CCDC73: variants seen among roughly 807,000 people sequenced by gnomAD.
CCDC73 encodes coiled-coil domain-containing protein 73.
In CCDC73, 95 loss-of-function variants were observed where a neutral mutation model predicts 116.5. That is an observed-to-expected ratio of 0.82 (90% confidence interval 0.69 to 0.97). CCDC73 has a LOEUF of 0.97. CCDC73 is among the 50% of genes least tolerant of loss of function. The pLI is 0.00. For synonymous variants in CCDC73, 398 were observed against 401.3 expected (o/e 0.99, Z 0.10); for missense variants, 1,066 against 1,206.8 (o/e 0.88, Z 1.73).
At chr11:32,623,489 C>A (rs189795556) in intron 14 of CCDC73, among the ~76,000 whole-genome samples, 7,149 of 152,116 alleles carry the variant, frequency 0.047, 186 homozygotes, top group African/African-American at 0.061. Flanking sequence ...TAGCTGGGAC[C>A]ACCAGTGTGC....
intron 2 of CCDC73, among the ~76,000 whole-genome samples, chr11:32,719,199 G>A (rs949220026): frequency 1.3e-5 from 2 of 152,054 alleles, no homozygotes; most frequent in South Asian, 2.1e-4. Context: ...TCCTGAATTC[G>A]CCCACATCAT....
chr11:32,818,530 A>G, the CCDC73 span, among the ~76,000 whole-genome samples: 1 of 152,216 alleles, frequency 6.6e-6, no homozygotes, highest in Non-Finnish European at 1.5e-5. Context: ...GAGTTACCAT[A>G]TGGCCTGGCA....
chr11:32,779,040 G>C lies in CCDC73; in HGVS notation c.-16+15573C>G, dbSNP rs143223493. Among the ~76,000 whole-genome samples, 3 of 152,018 alleles carry C rather than the reference G, an allele frequency of 2.0e-5. No homozygotes were observed. In the East Asian group the frequency reaches 5.8e-4, roughly 29 times the overall value. On this transcript the variant is annotated intron_variant, in intron 1 of 17. Transcript: ENST00000335185. ...GGCCAGAGTTCCAACTGATGTGCTA[G>C]GACAATGTTCCATGAATACATTACA...
At chr11:32,717,617 T>A (rs1316642064) in intron 3 of CCDC73, among the ~76,000 whole-genome samples, 1 of 152,210 alleles carries the variant, frequency 6.6e-6, no homozygotes, top group African/African-American at 2.4e-5. Flanking sequence ...TTAGAAAATT[T>A]AAAAATTAAC....
intron 3 of CCDC73, among the ~76,000 whole-genome samples, chr11:32,705,035 G>A (rs994631760): frequency 6.6e-6 from 1 of 152,186 alleles, no homozygotes; most frequent in African/African-American, 2.4e-5. Context: ...CTTTCCTGGT[G>A]GGCTTGCCAA....
intron 17 of CCDC73, among the ~76,000 whole-genome samples, chr11:32,610,052 G>A (rs1855406054): frequency 6.6e-6 from 1 of 151,438 alleles, no homozygotes; most frequent in African/African-American, 2.4e-5. Context: ...GCCTCCCAAA[G>A]TGCTGGGATT....
chr11:32,769,001 T>C (rs953947496), intron 1 of CCDC73, among the ~76,000 whole-genome samples: 2 of 152,094 alleles, frequency 1.3e-5, no homozygotes, highest in Admixed American at 1.3e-4. Context: ...ATATGCAAAT[T>C]AAAATGCCAA....
chr11:32,715,050 A>G (rs778433306), intron 3 of CCDC73, among the ~76,000 whole-genome samples: 41 of 152,088 alleles, frequency 2.7e-4, no homozygotes, highest in Non-Finnish European at 5.1e-4. Flanking sequence ...GCTTGCTAAC[A>G]CCCTACCTAG....
chr11:32,615,457 G>A (rs1223553957), intron 15 of CCDC73, among the ~76,000 whole-genome samples: 1 of 151,710 alleles, frequency 6.6e-6, no homozygotes, highest in Non-Finnish European at 1.5e-5. Context: ...GAATAGTTTT[G>A]GACAAGTATA....
chr11:32,828,602 T>C, the CCDC73 span, among the ~76,000 whole-genome samples: 2 of 152,064 alleles, frequency 1.3e-5, no homozygotes, highest in African/African-American at 4.8e-5. Context: ...AAATAGTGTT[T>C]CAAAGAACTG....
At chr11:32,658,818 A>C (rs894789636) in intron 9 of CCDC73, among the ~76,000 whole-genome samples, 4 of 152,180 alleles carry the variant, frequency 2.6e-5, no homozygotes, top group Non-Finnish European at 4.4e-5. Context: ...GAATAAAGGA[A>C]AAAGATGAGT....
At chr11:32,647,846 T>G (rs986751129) in intron 12 of CCDC73, among the ~76,000 whole-genome samples, 1 of 149,348 alleles carries the variant, frequency 6.7e-6, no homozygotes, top group Non-Finnish European at 1.5e-5. Context: ...AAAAAAAGCC[T>G]GATTTGAGGC....
the CCDC73 span, among the ~76,000 whole-genome samples, chr11:32,811,091 C>T: frequency 8.2e-6 from 1 of 121,476 alleles, no homozygotes; most frequent in Non-Finnish European, 1.7e-5. Flanking sequence ...AAAAAAAAAC[C>T]TCTTCTGAGA....
At chr11:32,627,583 A>G (rs559650759) in intron 14 of CCDC73, among the ~76,000 whole-genome samples, 5 of 152,260 alleles carry the variant, frequency 3.3e-5, no homozygotes, top group African/African-American at 7.2e-5. Context: ...ATGTCCATCA[A>G]TGAGAGACTG....
At chr11:32,815,601 G>T in the CCDC73 span, among the ~76,000 whole-genome samples, 5 of 152,168 alleles carry the variant, frequency 3.3e-5, no homozygotes, top group Non-Finnish European at 7.4e-5. Flanking sequence ...AAAGAAAAAG[G>T]TTTGTTACCT....
In CCDC73 at chr11:32,737,270, TG is replaced by T. The variant is rs552054451; in HGVS notation, c.136-19124del. Among the ~76,000 whole-genome samples, 734 of 148,270 alleles carry T rather than the reference TG, an allele frequency of 5.0e-3. 7 individuals carry two copies. The highest frequency in any genetic ancestry group is 0.018 in the African/African-American group (703 of 39,636). ...GTGTGTGTGTGTGTGTGTGTGTGTG[TG>T]TGTATATACATGGTCCATAGGATAT... On this transcript the variant is annotated intron_variant, in intron 2 of 17. Coordinates refer to ENST00000335185, the MANE Select transcript of CCDC73 (RefSeq NM_001008391.4).
At position 32,611,830 on chromosome 11, in the gene CCDC73, CA is replaced by C. The variant is rs1346971194; in HGVS notation, c.2897-566del. On this transcript the variant is annotated intron_variant, in intron 16 of 17. Transcript: ENST00000335185. The stretch of plus-strand genomic sequence containing the variant: ...TGATGGCATATTTAAGAGTATTTTA[CA>C]AGTTGAATTTCTACAGAATTTTAGA... 2.6e-5 allele frequency among the ~76,000 whole-genome samples: 4 copies of C among 152,186 alleles called. No individual in the cohort carries two copies. In the East Asian group the frequency reaches 7.7e-4, roughly 29 times the overall value.
intron 9 of CCDC73, among the ~76,000 whole-genome samples, chr11:32,664,834 T>C (rs986826895): frequency 6.6e-6 from 1 of 152,236 alleles, no homozygotes; most frequent in African/African-American, 2.4e-5. Context: ...TTTAAATGTG[T>C]CCCAGAGATT....
chr11:32,741,833 T>C (rs1465971476), intron 2 of CCDC73, among the ~76,000 whole-genome samples: 2 of 151,808 alleles, frequency 1.3e-5, no homozygotes, highest in African/African-American at 4.8e-5. Context: ...CACAGGCCCC[T>C]GTGTGTGATG....
Sources: allele counts gnomAD v4.1 joint callset (sites outside exome capture counted in the v4.1 genomes callset), GRCh38; gene constraint gnomAD v4.1.1; transcripts MANE v1.5; gene names NCBI Gene and HGNC (gene_info 2026-07-23, HGNC 2026-07-21).